The following SFMBT1 variants were observed in gnomAD, a reference collection of about 807,000 sequenced individuals.
SFMBT1 encodes scm-like with four MBT domains protein 1.
A neutral mutation model predicts 108.7 loss-of-function variants in SFMBT1; 32 were observed. The observed-to-expected ratio is 0.29, with a 90% CI of 0.22 to 0.40. The LOEUF is 0.40. Ranked by LOEUF, SFMBT1 falls within the 10% of genes least tolerant of loss-of-function variation. The probability of loss-of-function intolerance (pLI) is 1.00; values close to 1 mark genes in which losing one functional copy is unlikely to be tolerated. For missense variants in SFMBT1, 816 were observed against 1,059.6 expected (o/e 0.77, Z 3.19); for synonymous variants, 348 against 369.5 (o/e 0.94, Z 0.67).
intron 1 of SFMBT1, among the ~76,000 whole-genome samples, chr3:52,984,801 G>A (rs528720578): frequency 1.3e-5 from 2 of 148,838 alleles, no homozygotes; most frequent in South Asian, 4.2e-4. Context: ...ATACTATAAT[G>A]AGTTTGGAAA....
intron 1 of SFMBT1, among the ~76,000 whole-genome samples, chr3:52,990,121 G>A (rs2106894032): frequency 6.6e-6 from 1 of 152,118 alleles, no homozygotes; most frequent in East Asian, 1.9e-4. Context: ...AAAATAAATG[G>A]GCTTAGTTGG....
chr3:52,911,247 T>C, intron 16 of SFMBT1, 69 bp from the exon 17 acceptor site: 1 of 1,441,134 alleles, frequency 6.9e-7, no homozygotes. Flanking sequence ...ATCAAACATA[T>C]TAATACACCT....
chr3:52,938,346 T>C (rs2106806926), intron 4 of SFMBT1, among the ~76,000 whole-genome samples: 1 of 152,320 alleles, frequency 6.6e-6, no homozygotes, highest in Non-Finnish European at 1.5e-5. Flanking sequence ...ACTTCGTGTA[T>C]ATGTAGTTTT....
intron 1 of SFMBT1, among the ~76,000 whole-genome samples, chr3:52,971,110 C>T (rs564709422): frequency 3.6e-4 from 55 of 151,912 alleles, no homozygotes; most frequent in African/African-American, 1.3e-3. Context: ...CACTGCACTC[C>T]AGCCTGGGCA....
At position 52,934,876 on chromosome 3, in the gene SFMBT1, CCAGT is replaced by C; in HGVS notation, c.386_389del (p.Asp129GlyfsTer9). The stretch of plus-strand genomic sequence containing the variant: ...TCAGGGTCTGCCGCAGAAACTCATC[CCAGT>C]CAGATACTTTATCTCTGATGCCTAG... On this transcript the variant is annotated frameshift_variant, in exon 5 of 21. Coordinates refer to ENST00000394752, the MANE Select transcript of SFMBT1 (RefSeq NM_016329.4). LOFTEE classifies it high-confidence loss of function. 6.2e-7 allele frequency: 1 copy of C among 1,613,304 alleles called. No individual in the cohort carries two copies. The highest frequency in any genetic ancestry group is 2.2e-5 in the East Asian group (1 of 44,850).
At chr3:53,042,529 CAG>C (rs1700090642) in intron 1 of SFMBT1, among the ~76,000 whole-genome samples, 2 of 152,212 alleles carry the variant, frequency 1.3e-5, no homozygotes, top group South Asian at 4.2e-4. Flanking sequence ...TTTGGAGACA[CAG>C]GGTCTCCCTT....
At chr3:53,042,892 G>C (rs980133811) in intron 1 of SFMBT1, among the ~76,000 whole-genome samples, 2 of 152,246 alleles carry the variant, frequency 1.3e-5, no homozygotes, top group African/African-American at 4.8e-5. Context: ...TGTGAATCTT[G>C]GGTGGAGTGA....
At chr3:52,966,057 C>A (rs1241065388) in intron 2 of SFMBT1, among the ~76,000 whole-genome samples, 2 of 146,898 alleles carry the variant, frequency 1.4e-5, no homozygotes, top group Non-Finnish European at 3.0e-5. Context: ...GTGGCTCACG[C>A]CTGTAATTCC....
At chr3:52,960,293 TGGG>T (rs1369946791) in intron 2 of SFMBT1, among the ~76,000 whole-genome samples, 1 of 152,118 alleles carries the variant, frequency 6.6e-6, no homozygotes, top group African/African-American at 2.4e-5. Flanking sequence ...AAGTTACCTT[TGGG>T]GATAAAGAGA....
At chr3:52,910,890 A>G in intron 17 of SFMBT1, 113 bp downstream of exon 17, 2 of 835,490 alleles carry the variant, frequency 2.4e-6, no homozygotes, top group Non-Finnish European at 3.9e-6. Flanking sequence ...GGCCCTTTAC[A>G]GAAGAAGTTC....
At chr3:52,914,499 G>T in intron 14 of SFMBT1, among the ~76,000 whole-genome samples, 1 of 152,166 alleles carries the variant, frequency 6.6e-6, no homozygotes, top group Non-Finnish European at 1.5e-5. Flanking sequence ...GGCCAACGGG[G>T]GAGCACATCG....
intron 1 of SFMBT1, among the ~76,000 whole-genome samples, chr3:52,991,975 T>C (rs1051482444): frequency 2.6e-5 from 4 of 152,216 alleles, no homozygotes; most frequent in Admixed American, 2.6e-4. Context: ...GAGGAGGAGA[T>C]TGTCCATTTC....
chr3:52,962,841 G>A (rs541163896), intron 2 of SFMBT1, among the ~76,000 whole-genome samples: 43 of 146,992 alleles, frequency 2.9e-4, no homozygotes, highest in African/African-American at 1.1e-3. Flanking sequence ...GGAGATGTGA[G>A]TATGAGGATA....
intron 19 of SFMBT1, 69 bp from the exon 20 acceptor site, chr3:52,906,310 C>T: frequency 1.2e-6 from 2 of 1,607,370 alleles, no homozygotes; most frequent in South Asian, 2.2e-5. Flanking sequence ...AGTCTCTCTA[C>T]CTAAATTCAT....
intron 8 of SFMBT1, 93 bp from the exon 9 acceptor site, chr3:52,928,434 C>T: frequency 1.5e-6 from 2 of 1,325,624 alleles, no homozygotes. Flanking sequence ...AAAGTTCATA[C>T]TCATGTGGGT....
intron 1 of SFMBT1, among the ~76,000 whole-genome samples, chr3:52,976,648 A>T (rs1704529397): frequency 6.6e-6 from 1 of 152,194 alleles, no homozygotes; most frequent in African/African-American, 2.4e-5. Context: ...CAACTGGCAA[A>T]AAGAACCATA....
rs528290939 is a variant in SFMBT1 at position 52,993,009 on chromosome 3, C to G, written c.-130-23751G>C. Among the ~76,000 whole-genome samples the G allele has an allele frequency of 6.6e-5, 10 of 152,290 alleles. No homozygotes were observed. In the East Asian group the frequency reaches 1.9e-3, roughly 29 times the overall value. On this transcript the variant is annotated intron_variant, in intron 1 of 20. Transcript: ENST00000394752. ...TGGAGTCTCAGCACTCATTATTTAT[C>G]ATACTCATCCTTTAATTTAAAAGAG... is the stretch of plus-strand genomic sequence containing the variant.
chr3:53,008,475 C>T (rs565477318), intron 1 of SFMBT1, among the ~76,000 whole-genome samples: 1 of 152,236 alleles, frequency 6.6e-6, no homozygotes, highest in South Asian at 2.1e-4. Flanking sequence ...CAAGAATGTT[C>T]TCTTTGTAAA....
intron 17 of SFMBT1, 131 bp from the exon 18 acceptor site, chr3:52,907,864 G>A: frequency 1.2e-6 from 1 of 808,580 alleles, no homozygotes; most frequent in Non-Finnish European, 1.9e-6. Flanking sequence ...TCCATAGAGT[G>A]GAATAAACAG....
Sources: allele counts gnomAD v4.1 joint callset (sites outside exome capture counted in the v4.1 genomes callset), GRCh38; gene constraint gnomAD v4.1.1; transcripts MANE v1.5; gene names NCBI Gene and HGNC (gene_info 2026-07-23, HGNC 2026-07-21).